Variants in ZNF302 observed in about 807,000 individuals in gnomAD.
ZNF302 encodes zinc finger protein 327.
ZNF302 carries 12 observed loss-of-function variants against 10.8 expected under a neutral mutation model. The ratio of observed to expected loss-of-function variants is 1.11; its 90% CI spans 0.71 to 1.79. The LOEUF (loss-of-function observed/expected upper bound fraction) is 1.79. Ranked by LOEUF, ZNF302 falls within the 40% of genes most tolerant of loss-of-function variation. The pLI, the probability that ZNF302 is intolerant of heterozygous loss-of-function variation, is 0.00. For missense variants in ZNF302, 461 were observed against 471.1 expected (o/e 0.98, Z 0.20); for synonymous variants, 178 against 157.5 (o/e 1.13, Z -0.98).
intron 2 of ZNF302, chr19:34,681,836 C>T (rs377265084): frequency 3.9e-5 from 6 of 152,202 alleles, no homozygotes; most frequent in African/African-American, 1.2e-4. Flanking sequence ...ACCCAGGAGT[C>T]TCATATTTTA....
intron 2 of ZNF302, chr19:34,682,525 C>A: frequency 2.8e-6 from 1 of 356,344 alleles, no homozygotes; most frequent in Admixed American, 4.7e-5. Context: ...AACAAAATTA[C>A]TGAAGCAAAG....
intron 4 of ZNF302, 51 bp from the exon 5 acceptor site, chr19:34,684,201 A>ATGC: frequency 8.5e-7 from 1 of 1,182,704 alleles, no homozygotes; most frequent in Non-Finnish European, 1.1e-6. Flanking sequence ...AAAAAAAAAA[A>ATGC]AAAAAAAAAA....
In ZNF302 at chr19:34,686,030, C is replaced by G. The variant is rs2068639802; in HGVS notation, c.*793C>G. ...TATTCTATAGGAAATAAACTGGAGA[C>G]AAATCTCATTTAAGAGATGCAGCAA... On this transcript the variant is annotated 3_prime_UTR_variant, in exon 5 of 5. Transcript: ENST00000505242. 6.5e-6 allele frequency: 1 copy of G among 154,280 alleles called. No homozygotes were observed. The highest frequency in any genetic ancestry group is 1.4e-5 in the Non-Finnish European group (1 of 69,458). 9.6% of individuals were successfully genotyped at this position (154,280 alleles called of 1,614,324 possible). A position where few individuals can be genotyped will look rare whatever the true frequency, so the allele number is the denominator to read the frequency against.
chr19:34,679,553 C>T (rs1198710722), intron 2 of ZNF302, among the ~76,000 whole-genome samples: 1 of 152,200 alleles, frequency 6.6e-6, no homozygotes, highest in East Asian at 1.9e-4. Flanking sequence ...GCTGTGCCAT[C>T]CACGTGGAAT....
intron 3 of ZNF302, 104 bp from the exon 4 acceptor site, chr19:34,683,051 C>T (rs1404912570): frequency 3.4e-5 from 53 of 1,574,326 alleles, no homozygotes; most frequent in Non-Finnish European, 4.2e-5. Context: ...CTTATCTTTC[C>T]ATTTCAGTGA....
At chr19:34,680,778 A>C (rs1376394210) in intron 2 of ZNF302, among the ~76,000 whole-genome samples, 2 of 152,250 alleles carry the variant, frequency 1.3e-5, no homozygotes, top group African/African-American at 2.4e-5. Flanking sequence ...TCCAATTAAC[A>C]GGTGAATTTA....
In ZNF302 at chr19:34,686,252, C is replaced by A. The variant is rs1261237629; in HGVS notation, c.*1015C>A. The stretch of plus-strand genomic sequence containing the variant: ...TTCAGTTGAGTTCTACTTAGAAATT[C>A]TTTTTAGCTAGTGGGCATGTGAAGA... On this transcript the variant is annotated 3_prime_UTR_variant, in exon 5 of 5. Transcript: ENST00000505242. The A allele has an allele frequency of 6.6e-6, 1 of 152,110 alleles. No homozygotes were observed. The highest frequency in any genetic ancestry group is 1.5e-5 in the Non-Finnish European group (1 of 68,018). The allele number at this position is 152,110 out of a possible 1,614,324, so 9.4% of individuals were successfully genotyped here.
At chr19:34,682,235 A>G (rs537595371) in intron 2 of ZNF302, 1 of 154,096 alleles carries the variant, frequency 6.5e-6, no homozygotes, top group Admixed American at 6.5e-5. Flanking sequence ...TCTCAATACT[A>G]TTAGAATGGT....
Position 34,681,382 on chromosome 19 carries a change from C to T in ZNF302, c.10-1395C>T, listed in dbSNP as rs74660719. ...TTTCTAAGCACATCTGTGAGCATTT[C>T]CTTAGAATATTTTCTTTGAAATCTA... On this transcript the variant is annotated intron_variant, in intron 2 of 4. Transcript: ENST00000505242. 34 of 152,302 alleles carry T rather than the reference C, an allele frequency of 2.2e-4. No individual in the cohort carries two copies. In the East Asian group the frequency reaches 6.2e-3, roughly 28 times the overall value. The allele number at this position is 152,302 out of a possible 1,614,324, so 9.4% of individuals were successfully genotyped here. A position where few individuals can be genotyped will look rare whatever the true frequency, so the allele number is the denominator to read the frequency against.
intron 2 of ZNF302, chr19:34,681,541 T>G (rs2068348137): frequency 6.6e-6 from 1 of 152,146 alleles, no homozygotes; most frequent in South Asian, 2.1e-4. Flanking sequence ...GAGGTGATGG[T>G]TTGGGGATGA....
In ZNF302 at chr19:34,685,732, A is replaced by G. The variant is rs573907839; in HGVS notation, c.*495A>G. ...GAAAAGTTGTATGAAGGTGGTGAAC[A>G]TGGGAGACTTTTAGCAATGATGCAG... On this transcript the variant is annotated 3_prime_UTR_variant, in exon 5 of 5. Transcript: ENST00000505242. The G allele has an allele frequency of 1.5e-5, 9 of 609,122 alleles. No homozygotes were observed. Among genetic ancestry groups the G allele is most frequent in the Non-Finnish European group, 2.4e-5 (8 of 335,068 alleles). The allele number at this position is 609,122 out of a possible 1,614,324, so 37.7% of individuals were successfully genotyped here.
rs1303963509 is a variant in ZNF302 at position 34,685,170 on chromosome 19, T to G, written c.1133T>G (p.Phe378Cys). 6.2e-7 allele frequency: 1 copy of G among 1,606,930 alleles called. No individual in the cohort carries two copies. Among genetic ancestry groups the G allele is most frequent in the Non-Finnish European group, 8.5e-7 (1 of 1,177,452 alleles). Residue 378 changes from phenylalanine to cysteine, a missense_variant, in exon 5 of 5, where the codon TTT (phenylalanine) becomes TGT (cysteine). Physicochemically the swap from Phe to Cys is radical, Grantham distance 205. Transcript: ENST00000505242. ...GAATGCAACAAATGTCTCAAGGTCT[T>G]TAGTAGCTTCTCATTTCTTGTTCAA... ...KYECNKCLKV[F>C]SSFSFLVQHQ...
intron 4 of ZNF302, 130 bp downstream of exon 4, chr19:34,683,368 T>G: frequency 6.0e-6 from 6 of 1,005,434 alleles, no homozygotes; most frequent in Non-Finnish European, 8.8e-6. Context: ...AATTGAGGGA[T>G]ATTTAGCTTA....
chr19:34,682,052 C>G (rs527880167), intron 2 of ZNF302: 2 of 152,150 alleles, frequency 1.3e-5, no homozygotes, highest in African/African-American at 4.8e-5. Flanking sequence ...AGGCATCTGG[C>G]AAGGGCCTTC....
intron 4 of ZNF302, 48 bp from the exon 5 acceptor site, chr19:34,684,204 A>T: frequency 1.3e-6 from 1 of 777,224 alleles, no homozygotes; most frequent in East Asian, 4.3e-5. Flanking sequence ...AAAAAAAAAA[A>T]AAAAAAAAAA....
chr19:34,677,580 G>A (rs1412241080), upstream of ZNF302: 1 of 152,362 alleles, frequency 6.6e-6, no homozygotes, highest in African/African-American at 2.4e-5. Flanking sequence ...CCCTTGGGAA[G>A]TGTGGTCTTC....
chr19:34,678,599 A>C, intron 1 of ZNF302, 138 bp from the exon 2 acceptor site: 1 of 576,616 alleles, frequency 1.7e-6, no homozygotes, highest in Non-Finnish European at 3.1e-6. Flanking sequence ...GCGGAGAAAC[A>C]CCCTGTTCCT....
intron 4 of ZNF302, 73 bp downstream of exon 4, chr19:34,683,311 A>G (rs2068458803): frequency 1.3e-6 from 2 of 1,574,148 alleles, no homozygotes; most frequent in African/African-American, 2.7e-5. Context: ...GTGAGTGTGG[A>G]AGCATTTTAG....
chr19:34,683,522 A>G (rs540577488), intron 4 of ZNF302, among the ~76,000 whole-genome samples: 2 of 152,304 alleles, frequency 1.3e-5, no homozygotes, highest in East Asian at 3.9e-4. Context: ...TTCTTTCTTA[A>G]TTCTACTTAA....
Sources: allele counts gnomAD v4.1 joint callset (sites outside exome capture counted in the v4.1 genomes callset), GRCh38; gene constraint gnomAD v4.1.1; transcripts MANE v1.5; gene names NCBI Gene and HGNC (gene_info 2026-07-23, HGNC 2026-07-21).